Variants in COBLL1 observed in about 807,000 individuals in gnomAD.
COBLL1 encodes cordon-bleu protein-like 1.
In COBLL1, 50 loss-of-function variants were observed where a neutral mutation model predicts 94.8. The ratio of observed to expected loss-of-function variants is 0.53; its 90% confidence interval spans 0.42 to 0.67. The LOEUF (loss-of-function observed/expected upper bound fraction) is 0.67. Among genes scored for constraint, COBLL1 ranks in the 30% least tolerant of loss-of-function variants. The pLI, the probability that COBLL1 is intolerant of heterozygous loss-of-function variation, is 0.00. For synonymous variants in COBLL1, 448 were observed against 473.8 expected (o/e 0.95, Z 0.71); for missense variants, 1,362 against 1,348.7 (o/e 1.01, Z -0.15).
At chr2:164,811,364 A>G (rs960937495) in intron 2 of COBLL1, among the ~76,000 whole-genome samples, 5 of 151,898 alleles carry the variant, frequency 3.3e-5, no homozygotes, top group Admixed American at 3.3e-4. Flanking sequence ...ACTATAGGTA[A>G]TTTTACCATA....
chr2:164,740,886 AG>A lies in COBLL1; in HGVS notation c.230+2800del, dbSNP rs532519771. Among the ~76,000 whole-genome samples the A allele has an allele frequency of 3.8e-3, 566 of 150,926 alleles. 2 individuals carry two copies. Among genetic ancestry groups the A allele is most frequent in the Non-Finnish European group, 6.0e-3 (405 of 67,818 alleles). ...GAAAATGAGGCTAGTGAGTTACACGAGGGGGGGAAAAGTTCATAAACGTATT... is the reference window on the plus strand; with the variant it reads ...GAAAATGAGGCTAGTGAGTTACACGAGGGGGGAAAAGTTCATAAACGTATT... On this transcript the variant is annotated intron_variant, in intron 3 of 13. Transcript: ENST00000652658.
intron 2 of COBLL1, among the ~76,000 whole-genome samples, chr2:164,804,850 C>G: frequency 6.6e-6 from 1 of 152,154 alleles, no homozygotes; most frequent in Non-Finnish European, 1.5e-5. Context: ...CTCCCACAGC[C>G]CAACTCCAAC....
chr2:164,828,782 T>C (rs996602188), intron 2 of COBLL1, among the ~76,000 whole-genome samples: 85 of 152,344 alleles, frequency 5.6e-4, no homozygotes, highest in African/African-American at 2.0e-3. Context: ...AAGACAACTT[T>C]ATTGTTTTGA....
At chr2:164,666,952 T>G (rs1419706722) in intron 1 of COBLL1, among the ~76,000 whole-genome samples, 3 of 152,198 alleles carry the variant, frequency 2.0e-5, no homozygotes, top group African/African-American at 7.2e-5. Flanking sequence ...CTTCTTCCCA[T>G]GAATCACAAA....
intron 2 of COBLL1, among the ~76,000 whole-genome samples, chr2:164,837,174 C>T (rs1683354616): frequency 6.6e-6 from 1 of 152,050 alleles, no homozygotes; most frequent in Non-Finnish European, 1.5e-5. Context: ...AAATGTGCTT[C>T]AGAATCAAAA....
chr2:164,805,512 C>T (rs949545102), intron 2 of COBLL1, among the ~76,000 whole-genome samples: 3 of 149,542 alleles, frequency 2.0e-5, no homozygotes, highest in Non-Finnish European at 3.0e-5. Flanking sequence ...TTCCTCCTTC[C>T]GCATCTCAAA....
rs528516083 is a variant in COBLL1, at chr2:164,684,411, T to C, written c.*1535A>G. 1 of 152,284 alleles carries C rather than the reference T, an allele frequency of 6.6e-6. No individual in the cohort carries two copies. Among genetic ancestry groups the C allele is most frequent in the South Asian group, 2.1e-4 (1 of 4,830 alleles). The allele number at this position is 152,284 out of a possible 1,614,324, so 9.4% of individuals were successfully genotyped here. ...TTATATTTTTATAAGTAGATAATTA[T>C]GACAACACAATTTTTTAAAAAAAAT... On this transcript the variant is annotated 3_prime_UTR_variant, in exon 14 of 14. Coordinates refer to ENST00000652658, the MANE Select transcript of COBLL1 (RefSeq NM_001365672.2).
intron 2 of COBLL1, among the ~76,000 whole-genome samples, chr2:164,750,055 C>T (rs1263987939): frequency 6.6e-6 from 1 of 152,196 alleles, no homozygotes; most frequent in Non-Finnish European, 1.5e-5. Context: ...CTGCCTTTTT[C>T]TCTTCTTTCT....
intron 2 of COBLL1, among the ~76,000 whole-genome samples, chr2:164,820,697 T>A (rs1162523996): frequency 1.3e-5 from 2 of 152,164 alleles, no homozygotes; most frequent in Non-Finnish European, 2.9e-5. Context: ...GTGGGCACAC[T>A]CTAGTGGGCT....
intron 3 of COBLL1, chr2:164,743,081 T>C (rs905040740): frequency 9.2e-5 from 14 of 152,188 alleles, no homozygotes; most frequent in African/African-American, 3.4e-4. Context: ...AAATCACATC[T>C]TTCCTTTTTG....
chr2:164,822,140 T>C (rs577443445), intron 2 of COBLL1, among the ~76,000 whole-genome samples: 1 of 152,200 alleles, frequency 6.6e-6, no homozygotes, highest in Non-Finnish European at 1.5e-5. Flanking sequence ...CAAAGACATT[T>C]ATTTGTCCAA....
chr2:164,750,636 G>C (rs960090264), intron 2 of COBLL1, among the ~76,000 whole-genome samples: 1 of 152,052 alleles, frequency 6.6e-6, no homozygotes, highest in Non-Finnish European at 1.5e-5. Flanking sequence ...ATGCCATTAG[G>C]TCAGTGGGGG....
At chr2:164,791,057 T>C (rs934510846) in intron 2 of COBLL1, among the ~76,000 whole-genome samples, 1 of 152,136 alleles carries the variant, frequency 6.6e-6, no homozygotes, top group Non-Finnish European at 1.5e-5. Context: ...AATACATACA[T>C]ATAACAATGT....
At chr2:164,710,325 T>C (rs769616820) in intron 7 of COBLL1, among the ~76,000 whole-genome samples, 1 of 152,196 alleles carries the variant, frequency 6.6e-6, no homozygotes, top group East Asian at 1.9e-4. Context: ...TATTTCTAAA[T>C]AGACTGTAGC....
At chr2:164,814,344 T>C (rs1343820020) in intron 2 of COBLL1, among the ~76,000 whole-genome samples, 3 of 152,040 alleles carry the variant, frequency 2.0e-5, no homozygotes, top group Admixed American at 1.3e-4. Flanking sequence ...AATAAACAAT[T>C]GATTTTTGTA....
intron 2 of COBLL1, among the ~76,000 whole-genome samples, chr2:164,834,518 C>T (rs1343950242): frequency 6.6e-6 from 1 of 152,200 alleles, no homozygotes; most frequent in African/African-American, 2.4e-5. Context: ...TTTTAACTGA[C>T]ATTTCAGTTA....
At chr2:164,723,680 A>C (rs1284290899) in intron 5 of COBLL1, 1 of 152,136 alleles carries the variant, frequency 6.6e-6, no homozygotes, top group African/African-American at 2.4e-5. Context: ...AAAAAAAAAA[A>C]ACTCTTTTTT....
chr2:164,779,862 T>C, intron 2 of COBLL1: 1 of 407,546 alleles, frequency 2.5e-6, no homozygotes, highest in Non-Finnish European at 5.1e-6. Flanking sequence ...GTAGGGAATG[T>C]GCAGGTATGA....
chr2:164,693,087 T>C (rs1683704156), intron 12 of COBLL1, among the ~76,000 whole-genome samples: 1 of 152,124 alleles, frequency 6.6e-6, no homozygotes, highest in South Asian at 2.1e-4. Context: ...ATCTTAAATG[T>C]CTTTTTCAAA....
Sources: allele counts gnomAD v4.1 joint callset (sites outside exome capture counted in the v4.1 genomes callset), GRCh38; gene constraint gnomAD v4.1.1; transcripts MANE v1.5; gene names NCBI Gene and HGNC (gene_info 2026-07-23, HGNC 2026-07-21).